The following CSMD2 variants were observed in gnomAD, a reference collection of about 807,000 sequenced individuals.
CSMD2 encodes the protein CUB and Sushi multiple domains 2.
CSMD2 carries 130 observed loss-of-function variants against 398.5 expected under a neutral mutation model. The ratio of observed to expected loss-of-function variants is 0.33; its 90% CI spans 0.28 to 0.38. CSMD2 has a LOEUF of 0.38. Ranked by LOEUF, CSMD2 falls within the 10% of genes least tolerant of loss-of-function variation. The pLI, the probability that CSMD2 is intolerant of heterozygous loss-of-function variation, is 1.00. For missense variants in CSMD2, 3,829 were observed against 4,764.9 expected (o/e 0.80, Z 5.78); for synonymous variants, 1,828 against 1,908.5 (o/e 0.96, Z 1.10).
intron 22 of CSMD2, among the ~76,000 whole-genome samples, chr1:33,705,488 G>C (rs1003753830): frequency 1.3e-5 from 2 of 152,040 alleles, no homozygotes; most frequent in African/African-American, 2.4e-5. Flanking sequence ...AAATGAGTTG[G>C]GAGATGGTTC....
At chr1:34,151,968 G>A (rs1021718816) in intron 1 of CSMD2, among the ~76,000 whole-genome samples, 2 of 151,922 alleles carry the variant, frequency 1.3e-5, no homozygotes, top group Admixed American at 6.6e-5. Context: ...TCAGCCTCTC[G>A]AGTAGCTAGG....
chr1:33,570,169 T>C (rs1276213092), intron 51 of CSMD2, among the ~76,000 whole-genome samples: 5 of 138,186 alleles, frequency 3.6e-5, no homozygotes, highest in Non-Finnish European at 6.0e-5. Flanking sequence ...ACATTGGCTT[T>C]TTTTTTTTTT....
intron 29 of CSMD2, among the ~76,000 whole-genome samples, chr1:33,643,587 C>T (rs1643235765): frequency 6.6e-6 from 1 of 152,210 alleles, no homozygotes; most frequent in Non-Finnish European, 1.5e-5. Flanking sequence ...TGTCACTGTC[C>T]CTTTTTCATG....
chr1:33,774,545 G>A (rs911480851), intron 12 of CSMD2, among the ~76,000 whole-genome samples: 7 of 152,116 alleles, frequency 4.6e-5, no homozygotes, highest in Non-Finnish European at 1.0e-4. Context: ...TGGGGTGTGA[G>A]GGCTGTCACT....
chr1:33,542,591 G>T, intron 58 of CSMD2, 129 bp downstream of exon 58: 1 of 760,956 alleles, frequency 1.3e-6, no homozygotes, highest in Non-Finnish European at 2.1e-6. Flanking sequence ...CTATTCATAT[G>T]ATTATCGTTC....
rs183064887 is a variant in CSMD2, at chr1:33,557,842, C to T, written c.8635G>A (p.Gly2879Ser). 1.0e-4 allele frequency: 155 copies of T among 1,535,990 alleles called. 1 individual carries two copies. Among genetic ancestry groups the T allele is most frequent in the African/African-American group, 1.9e-4 (14 of 73,124 alleles). ...TTGCACCGGTAAGACACAGTGGTGC[C>T]GAAGCTGAACCTGTGCGGGCCGCTG... ...HASGPHRFSF[G>S]TTVSYRCNHG... Residue 2879 changes from glycine (G) to serine (S), a missense_variant, in exon 55 of 71, where the codon GGC becomes AGC. Physicochemically the swap from Gly to Ser is moderately conservative, Grantham distance 56 (BLOSUM62 0). Around this residue, in one of 5 missense-constraint regions of CSMD2, gnomAD observed 917 missense variants for 1,199.5 expected, o/e 0.76. Coordinates refer to ENST00000373381, the MANE Select transcript of CSMD2 (RefSeq NM_001281956.2).
intron 1 of CSMD2, among the ~76,000 whole-genome samples, chr1:34,155,668 G>A (rs1640745790): frequency 6.6e-6 from 1 of 152,164 alleles, no homozygotes; most frequent in Non-Finnish European, 1.5e-5. Context: ...CCTGAGACCT[G>A]AAAAATAGCC....
At chr1:33,887,664 G>T (rs1210605059) in intron 5 of CSMD2, among the ~76,000 whole-genome samples, 3 of 152,074 alleles carry the variant, frequency 2.0e-5, no homozygotes, top group Non-Finnish European at 2.9e-5. Context: ...CTGTAATATA[G>T]AATTTAGTAA....
At chr1:34,049,606 C>G (rs956968905) in intron 2 of CSMD2, among the ~76,000 whole-genome samples, 3 of 152,100 alleles carry the variant, frequency 2.0e-5, no homozygotes, top group South Asian at 4.2e-4. Context: ...AAGATCCAAT[C>G]CAAGTGTATA....
intron 1 of CSMD2, among the ~76,000 whole-genome samples, chr1:34,132,848 C>A (rs1663505353): frequency 6.6e-6 from 1 of 152,210 alleles, no homozygotes; most frequent in African/African-American, 2.4e-5. Flanking sequence ...ATTACACCAT[C>A]AGTTTTCCTG....
intron 3 of CSMD2, among the ~76,000 whole-genome samples, chr1:34,019,754 G>A (rs188695499): frequency 7.9e-5 from 12 of 152,202 alleles, no homozygotes; most frequent in Admixed American, 6.5e-4. Flanking sequence ...AGTAAGGCCC[G>A]AACTCCTTCC....
intron 1 of CSMD2, among the ~76,000 whole-genome samples, chr1:34,101,981 C>A (rs1038696629): frequency 6.6e-6 from 1 of 151,814 alleles, no homozygotes; most frequent in Non-Finnish European, 1.5e-5. Context: ...TTGTTTTCTA[C>A]CTGGTTGTGT....
chr1:33,639,030 TA>T (rs1475463399), intron 29 of CSMD2, among the ~76,000 whole-genome samples: 1 of 152,242 alleles, frequency 6.6e-6, no homozygotes, highest in Non-Finnish European at 1.5e-5. Flanking sequence ...GTGGAACTTT[TA>T]AAAAGACTGT....
chr1:33,736,958 G>A (rs542290919), intron 15 of CSMD2, among the ~76,000 whole-genome samples: 1 of 152,228 alleles, frequency 6.6e-6, no homozygotes, highest in Admixed American at 6.5e-5. Context: ...AGTGGTCAAT[G>A]AGTGCAAGGG....
At chr1:33,680,013 C>T (rs371504304) in intron 25 of CSMD2, among the ~76,000 whole-genome samples, 68 of 151,810 alleles carry the variant, frequency 4.5e-4, no homozygotes, top group Admixed American at 2.2e-3. Flanking sequence ...CTCTGCCTCC[C>T]GGGTTCAAGC....
chr1:33,891,958 G>A (rs1642047086), intron 5 of CSMD2, among the ~76,000 whole-genome samples: 1 of 148,812 alleles, frequency 6.7e-6, no homozygotes, highest in African/African-American at 2.5e-5. Flanking sequence ...TAAATGACGA[G>A]TTAATGGGTG....
Position 34,164,256 on chromosome 1 carries a change from A to C in CSMD2, c.187+655T>G. 6.9e-6 allele frequency among the ~76,000 whole-genome samples: 1 copy of C among 144,886 alleles called. No homozygotes were observed. The highest frequency in any genetic ancestry group is 1.5e-5 in the Non-Finnish European group (1 of 65,694). On this transcript the variant is annotated intron_variant, in intron 1 of 70. Coordinates refer to ENST00000373381, the MANE Select transcript of CSMD2 (RefSeq NM_001281956.2). The surrounding 1 kb of genome is among the most constrained non-coding windows in gnomAD (Gnocchi z 6.2). ...TCAACACCCTCCAGCCCCCACCTGC[A>C]CCCTCCTGCAAGGAATGCGCGGGAC...
chr1:33,790,513 T>A (rs1654101349), intron 11 of CSMD2, among the ~76,000 whole-genome samples: 1 of 152,222 alleles, frequency 6.6e-6, no homozygotes, highest in Non-Finnish European at 1.5e-5. Flanking sequence ...ATCTTGAACC[T>A]ACTGGCATTT....
intron 55 of CSMD2, among the ~76,000 whole-genome samples, chr1:33,553,046 A>T (rs1040256247): frequency 6.6e-6 from 1 of 152,226 alleles, no homozygotes; most frequent in African/African-American, 2.4e-5. Context: ...TTACATAGAG[A>T]GCAGTTAAAA....
Sources: gnomAD v4.1 joint callset for allele counts (sites outside exome capture counted in the v4.1 genomes callset) on GRCh38, gnomAD v4.1.1 for gene constraint, gnomAD v4.1.1 regional missense constraint, Gnocchi (gnomAD v3.1) non-coding constraint, MANE v1.5 for transcripts, NCBI Gene and HGNC (gene_info 2026-07-23, HGNC 2026-07-21) for gene names.